The following SEMA4A variants were observed in gnomAD, a reference collection of about 807,000 sequenced individuals.
SEMA4A encodes semaphorin-4A.
SEMA4A carries 52 observed loss-of-function variants against 72.5 expected under a neutral mutation model. The ratio of observed to expected loss-of-function variants is 0.72; its 90% CI spans 0.57 to 0.90. The LOEUF (loss-of-function observed/expected upper bound fraction) is 0.90, where lower values mean the gene tolerates loss of function less well. Ranked by LOEUF, SEMA4A falls within the 40% of genes least tolerant of loss-of-function variation. The pLI is 0.00. For synonymous variants in SEMA4A, 369 were observed against 393.1 expected (o/e 0.94, Z 0.73); for missense variants, 926 against 959.7 (o/e 0.96, Z 0.46).
chr1:156,162,826 G>A, intron 9 of SEMA4A, 118 bp from the exon 10 acceptor site: 1 of 1,275,754 alleles, frequency 7.8e-7, no homozygotes. Flanking sequence ...GGTAGCTGGA[G>A]GCTGGCCCAG....
At chr1:156,172,755 G>A in intron 10 of SEMA4A, 71 bp from the exon 11 acceptor site, 2 of 1,374,214 alleles carry the variant, frequency 1.5e-6, no homozygotes, top group Non-Finnish European at 2.1e-6. Context: ...AGGGAGAAGA[G>A]CAGGCGTTGG....
chr1:156,161,324 CT>C, intron 8 of SEMA4A, 21 bp from the exon 9 acceptor site: 3 of 961,878 alleles, frequency 3.1e-6, no homozygotes, highest in Non-Finnish European at 3.1e-6. Context: ...GGGGCGCCCC[CT>C]GACTCCCCCT....
In SEMA4A at chr1:156,161,430, C is replaced by A; in HGVS notation, c.895C>A (p.Leu299Met). The change falls in exon 9 of 15, where the codon CTG becomes ATG. Residue 299 changes from leucine (L) to methionine (M), a missense_variant. By Grantham distance (15) the Leu-to-Met change is conservative. Transcript: ENST00000368285. ...GCTGCTCTGCACCCAGCCGGGGCAG[C>A]TGCCCTTCAACGTCATCCGCCACGC... ...AQLLCTQPGQ[L>M]PFNVIRHAVL... 1 of 1,613,940 alleles carries A rather than the reference C, an allele frequency of 6.2e-7. No homozygotes were observed. Among genetic ancestry groups the A allele is most frequent in the Non-Finnish European group, 8.5e-7 (1 of 1,179,930 alleles).
At chr1:156,160,403 C>T in intron 6 of SEMA4A, 40 bp from the exon 7 acceptor site, 2 of 1,502,698 alleles carry the variant, frequency 1.3e-6, no homozygotes, top group Non-Finnish European at 1.9e-6. Context: ...GAGGAACCCT[C>T]CACCCCATCA....
At chr1:156,163,602 A>C (rs2102969407) in intron 10 of SEMA4A, among the ~76,000 whole-genome samples, 1 of 150,980 alleles carries the variant, frequency 6.6e-6, no homozygotes, top group African/African-American at 2.4e-5. Flanking sequence ...CGCGACTGTA[A>C]TTTCAGCTAC....
At chr1:156,167,028 G>A in intron 10 of SEMA4A, among the ~76,000 whole-genome samples, 1 of 151,864 alleles carries the variant, frequency 6.6e-6, no homozygotes, top group East Asian at 2.0e-4. Flanking sequence ...AGCCTCCTGA[G>A]TAACTAGAAC....
At chr1:156,158,329 T>TG (rs1653242849) in intron 4 of SEMA4A, 59 bp from the exon 5 acceptor site, 10 of 1,428,094 alleles carry the variant, frequency 7.0e-6, no homozygotes, top group Non-Finnish European at 7.9e-6. Context: ...GGGCAGCCTC[T>TG]GGGGGTCCAG....
chr1:156,160,691 G>T (rs1653507927), intron 7 of SEMA4A, 132 bp downstream of exon 7: 1 of 1,032,900 alleles, frequency 9.7e-7, no homozygotes, highest in Non-Finnish European at 1.5e-6. Context: ...AGGGAAGAAG[G>T]CAAAGCTCCG....
chr1:156,159,023 G>C, intron 6 of SEMA4A, 199 bp downstream of exon 6: 4 of 373,970 alleles, frequency 1.1e-5, no homozygotes, highest in Non-Finnish European at 9.8e-6. Context: ...AACACAGCGA[G>C]ATCGTCTCAA....
chr1:156,160,999 C>G lies in SEMA4A; in HGVS notation c.780C>G (p.Leu260=), dbSNP rs1653555403. Residue 260 remains leucine, a synonymous_variant, in exon 8 of 15, where the codon CTC becomes CTG. Coordinates refer to ENST00000368285, the MANE Select transcript of SEMA4A (RefSeq NM_022367.4). The part of the protein sequence containing the change: ...TASEFDFFER[L]HTSRVARVCK... ...GCGAGTTTGACTTCTTTGAGAGGCT[C>G]CACACATCGCGGGTGGCTAGAGTCT... 5.0e-6 allele frequency: 8 copies of G among 1,611,502 alleles called. No individual in the cohort carries two copies. Among genetic ancestry groups the G allele is most frequent in the Non-Finnish European group, 5.9e-6 (7 of 1,179,352 alleles).
intron 10 of SEMA4A, among the ~76,000 whole-genome samples, chr1:156,170,506 CAG>C (rs1317436055): frequency 3.5e-4 from 51 of 144,178 alleles, no homozygotes; most frequent in African/African-American, 1.3e-3. Flanking sequence ...TGTAATCCCA[CAG>C]CACTTTGGGA....
At chr1:156,162,887 G>A in intron 9 of SEMA4A, 57 bp from the exon 10 acceptor site, 6 of 1,608,816 alleles carry the variant, frequency 3.7e-6, no homozygotes, top group Non-Finnish European at 5.1e-6. Context: ...CAGCGCTGGA[G>A]AGAGAGCTGC....
In SEMA4A at chr1:156,176,953, G is replaced by A. The variant is rs752302591; in HGVS notation, c.2242G>A (p.Asp748Asn). ...SPKECRTSAS[D>N]VDADNNCLGT... ...CAAGGAATGCAGGACCTCTGCCAGT[G>A]ATGTGGACGCTGACAACAACTGCCT... The change falls in exon 15 of 15, where the codon GAT (aspartate) becomes AAT (asparagine). Residue 748 changes from aspartate (D) to asparagine (N), a missense_variant. By Grantham distance (23) the Asp-to-Asn change is conservative. Transcript: ENST00000368285. 1 of 1,613,414 alleles carries A rather than the reference G, an allele frequency of 6.2e-7. No homozygotes were observed. The highest frequency in any genetic ancestry group is 8.5e-7 in the Non-Finnish European group (1 of 1,180,048).
Position 156,163,030 on chromosome 1 carries a change from T to G in SEMA4A, c.1070T>G (p.Leu357Trp). ...ERVFKGKYKE[L>W]NKETSRWTTY... ...GTCTTTAAGGGGAAATACAAAGAGT[T>G]GAACAAAGAAACTTCACGCTGGACT... The change falls in exon 10 of 15, where the codon TTG becomes TGG. Residue 357 changes from leucine to tryptophan, a missense_variant. Coordinates refer to ENST00000368285, the MANE Select transcript of SEMA4A (RefSeq NM_022367.4). 6.2e-7 allele frequency: 1 copy of G among 1,614,130 alleles called. No individual in the cohort carries two copies. Among genetic ancestry groups the G allele is most frequent in the Non-Finnish European group, 8.5e-7 (1 of 1,180,022 alleles).
At chr1:156,173,209 A>G (rs1249195054) in intron 11 of SEMA4A, among the ~76,000 whole-genome samples, 2 of 152,158 alleles carry the variant, frequency 1.3e-5, no homozygotes, top group East Asian at 3.8e-4. Context: ...TGAGCTTCCT[A>G]TGGTGGGGGA....
chr1:156,162,300 A>G (rs192584037), intron 9 of SEMA4A, among the ~76,000 whole-genome samples: 1 of 152,354 alleles, frequency 6.6e-6, no homozygotes, highest in East Asian at 1.9e-4. Context: ...TTGAAGGTTG[A>G]GAAAGGTTAA....
rs962638953 is a variant in SEMA4A, at chr1:156,160,984, C to G, written c.765C>G (p.Asp255Glu). Residue 255 changes from aspartate (D) to glutamate (E), a missense_variant, in exon 8 of 15, where the codon GAC becomes GAG. Physicochemically the swap from Asp to Glu is conservative, Grantham distance 45. Coordinates refer to ENST00000368285, the MANE Select transcript of SEMA4A (RefSeq NM_022367.4). Reference sequence around the variant, plus strand: ...TCGAGGAGACAGCCAGCGAGTTTGACTTCTTTGAGAGGCTCCACACATCGC... The same window carrying G: ...TCGAGGAGACAGCCAGCGAGTTTGAGTTCTTTGAGAGGCTCCACACATCGC... ...FFFEETASEFDFFERLHTSRV... is the reference protein window; with the variant it reads ...FFFEETASEFEFFERLHTSRV... 7 of 1,612,340 alleles carry G rather than the reference C, an allele frequency of 4.3e-6. No individual in the cohort carries two copies. Among genetic ancestry groups the G allele is most frequent in the Non-Finnish European group, 5.9e-6 (7 of 1,179,616 alleles).
chr1:156,164,914 C>T (rs1321363723), intron 10 of SEMA4A, among the ~76,000 whole-genome samples: 1 of 152,042 alleles, frequency 6.6e-6, no homozygotes, highest in African/African-American at 2.4e-5. Flanking sequence ...GATTCTCCTG[C>T]CTTAGCCTCC....
chr1:156,151,608 G>A (rs1014782858), upstream of SEMA4A, among the ~76,000 whole-genome samples: 5 of 152,052 alleles, frequency 3.3e-5, no homozygotes, highest in South Asian at 2.1e-4. Flanking sequence ...TGAGTCAGGC[G>A]GATCACTTGA....
Sources: allele counts gnomAD v4.1 joint callset (sites outside exome capture counted in the v4.1 genomes callset), GRCh38; gene constraint gnomAD v4.1.1; transcripts MANE v1.5; gene names NCBI Gene and HGNC (gene_info 2026-07-23, HGNC 2026-07-21).